BCAS3: variants seen among roughly 807,000 people sequenced by gnomAD.
The protein encoded by BCAS3 is BCAS3 microtubule associated cell migration factor.
BCAS3 carries 53 observed loss-of-function variants against 116.1 expected under a neutral mutation model. The ratio of observed to expected loss-of-function variants is 0.46; its 90% CI spans 0.37 to 0.57. The LOEUF (loss-of-function observed/expected upper bound fraction) is 0.57. BCAS3 is among the 20% of genes least tolerant of loss of function. The pLI is 0.00. For synonymous variants in BCAS3, 391 were observed against 408.2 expected (o/e 0.96, Z 0.51); for missense variants, 917 against 1,165.4 (o/e 0.79, Z 3.10).
At chr17:60,684,130 C>A in intron 3 of BCAS3, 94 bp downstream of exon 3, 1 of 1,201,796 alleles carries the variant, frequency 8.3e-7, no homozygotes, top group Middle Eastern at 1.9e-4. Flanking sequence ...CAGCAACTTC[C>A]AAAAGGTTTT....
rs1437526414 is a variant in BCAS3, at chr17:61,023,268, T to G, written c.1637+7367T>G. Among the ~76,000 whole-genome samples the G allele has an allele frequency of 6.6e-6, 1 of 152,228 alleles. No homozygotes were observed. The highest frequency in any genetic ancestry group is 1.5e-5 in the Non-Finnish European group (1 of 68,032). On this transcript the variant is annotated intron_variant, in intron 16 of 23. Coordinates refer to ENST00000407086, the MANE Select transcript of BCAS3 (RefSeq NM_017679.5). This position sits in a 1 kb window ranked among gnomAD's most constrained non-coding sequence, Gnocchi z 4.8. The stretch of plus-strand genomic sequence containing the variant: ...AGAAATATGGCTCTGCTTCAATATT[T>G]GACACATAATGTTGTATAGCTTTTT...
intron 22 of BCAS3, among the ~76,000 whole-genome samples, chr17:61,271,083 G>GT (rs1338530374): frequency 2.9e-5 from 4 of 137,212 alleles, no homozygotes; most frequent in African/African-American, 1.1e-4. Context: ...CACATTTTCA[G>GT]TTTTTTGTAC....
intron 7 of BCAS3, among the ~76,000 whole-genome samples, chr17:60,867,266 C>T (rs545467664): frequency 1.3e-5 from 2 of 151,854 alleles, no homozygotes; most frequent in Middle Eastern, 3.4e-3. Flanking sequence ...ACACCATGCC[C>T]GGATAATTTT....
chr17:60,847,250 G>A (rs1204296755), intron 7 of BCAS3, among the ~76,000 whole-genome samples: 1 of 152,110 alleles, frequency 6.6e-6, no homozygotes, highest in Non-Finnish European at 1.5e-5. Flanking sequence ...AGACATATGG[G>A]TGTTTCTACT....
intron 22 of BCAS3, among the ~76,000 whole-genome samples, chr17:61,284,245 C>A (rs186071561): frequency 2.0e-5 from 3 of 152,120 alleles, no homozygotes; most frequent in Admixed American, 6.5e-5. Context: ...CACCAGCAGT[C>A]GCAAACCTGC....
chr17:60,989,133 T>A lies in BCAS3; in HGVS notation c.1222-838T>A, dbSNP rs1210733909. ...TGCTTTTTCTCTTGTCTGGATTTTTTAAAACACTATTTGACAATTGTTTTA... is the reference window on the plus strand; with the variant it reads ...TGCTTTTTCTCTTGTCTGGATTTTTAAAAACACTATTTGACAATTGTTTTA... On this transcript the variant is annotated intron_variant, in intron 14 of 23. Coordinates refer to ENST00000407086, the MANE Select transcript of BCAS3 (RefSeq NM_017679.5). Among the ~76,000 whole-genome samples, 4 of 152,192 alleles carry A rather than the reference T, an allele frequency of 2.6e-5. No homozygotes were observed. In the East Asian group the frequency reaches 7.7e-4, roughly 29 times the overall value.
intron 14 of BCAS3, among the ~76,000 whole-genome samples, chr17:60,958,156 T>C (rs146647248): frequency 3.5e-3 from 536 of 152,150 alleles, no homozygotes; most frequent in African/African-American, 0.012. Flanking sequence ...TTGCTAAGAG[T>C]CCTGGGAGGC....
rs181772918 is a variant in BCAS3, at chr17:60,985,201, A to G, written c.1222-4770A>G. 2.2e-3 allele frequency among the ~76,000 whole-genome samples: 303 copies of G among 138,010 alleles called. 2 individuals are homozygous for G. Among genetic ancestry groups the G allele is most frequent in the Middle Eastern group, 0.013 (3 of 236 alleles). The allele number at this position is 138,010 out of a possible 152,430, so 90.5% of individuals were successfully genotyped here. On this transcript the variant is annotated intron_variant, in intron 14 of 23. Coordinates refer to ENST00000407086, the MANE Select transcript of BCAS3 (RefSeq NM_017679.5). The stretch of plus-strand genomic sequence containing the variant: ...ACTCTTGCTGCCCAGGTGGGAGTGC[A>G]GTGGCATGATCTCAGTTCACTGCAA...
rs1260511524 is a variant in BCAS3 at position 61,363,270 on chromosome 17, A to G, written c.2426-5057A>G. Among the ~76,000 whole-genome samples, 1 of 152,230 alleles carries G rather than the reference A, an allele frequency of 6.6e-6. No homozygotes were observed. Among genetic ancestry groups the G allele is most frequent in the Non-Finnish European group, 1.5e-5 (1 of 68,034 alleles). Reference sequence around the variant, plus strand: ...TTGAGTAAGTGCTTAGCTTTCATCAACTTCACCTGGAAAGATAGAGCACCT... The same window carrying G: ...TTGAGTAAGTGCTTAGCTTTCATCAGCTTCACCTGGAAAGATAGAGCACCT... On this transcript the variant is annotated intron_variant, in intron 22 of 23. Transcript: ENST00000407086. This position sits in a 1 kb window ranked among gnomAD's most constrained non-coding sequence, Gnocchi z 4.9.
intron 5 of BCAS3, among the ~76,000 whole-genome samples, chr17:60,734,082 G>A (rs556871042): frequency 2.6e-5 from 4 of 152,100 alleles, no homozygotes; most frequent in African/African-American, 9.7e-5. Flanking sequence ...ACTATACCCA[G>A]TATCATCTAG....
chr17:61,142,527 T>G (rs1042022497), intron 22 of BCAS3, among the ~76,000 whole-genome samples: 1 of 152,026 alleles, frequency 6.6e-6, no homozygotes, highest in African/African-American at 2.4e-5. Context: ...GCCCTGGGAG[T>G]ACTAGTTAGC....
intron 15 of BCAS3, among the ~76,000 whole-genome samples, chr17:61,006,963 C>A (rs2064763461): frequency 6.6e-6 from 1 of 152,026 alleles, no homozygotes; most frequent in African/African-American, 2.4e-5. Flanking sequence ...GCTAAACCTT[C>A]TTAAATTTTA....
At chr17:60,766,997 C>T (rs368414294) in intron 6 of BCAS3, among the ~76,000 whole-genome samples, 11 of 152,186 alleles carry the variant, frequency 7.2e-5, no homozygotes, top group African/African-American at 2.4e-4. Flanking sequence ...GCATTGGACC[C>T]GCAGAGCCAG....
intron 4 of BCAS3, among the ~76,000 whole-genome samples, chr17:60,698,183 CAA>C (rs759028839): frequency 1.3e-4 from 7 of 55,296 alleles, no homozygotes; most frequent in African/African-American, 2.0e-4. Flanking sequence ...CTCCGTCTCA[CAA>C]AAAAAAAAAA....
At chr17:60,887,070 C>T (rs989319859) in intron 9 of BCAS3, 1 of 155,176 alleles carries the variant, frequency 6.4e-6, no homozygotes, top group African/African-American at 2.4e-5. Flanking sequence ...AGTTTGATCT[C>T]AGACTGCTGT....
rs188608404 is a variant in BCAS3 at position 60,710,652 on chromosome 17, T to C, written c.321+1327T>C. On this transcript the variant is annotated intron_variant, in intron 5 of 23. Transcript: ENST00000407086. ...TTCACCACGTTAGCCAGGATGATCT[T>C]GATCTGCTGACCTCGTGATCCGCCC... Among the ~76,000 whole-genome samples, 515 of 151,898 alleles carry C rather than the reference T, an allele frequency of 3.4e-3. 2 individuals are homozygous for C. Among genetic ancestry groups the C allele is most frequent in the South Asian group, 0.021 (99 of 4,804 alleles).
rs73991577 is a variant in BCAS3 at position 61,245,711 on chromosome 17, A to G, written c.2426-122616A>G. On this transcript the variant is annotated intron_variant, in intron 22 of 23. Coordinates refer to ENST00000407086, the MANE Select transcript of BCAS3 (RefSeq NM_017679.5). Reference sequence around the variant, plus strand: ...GTTTCAGATGGTAGGCTTTAACATAACAAGATGAGCTATTGGGCTCTCAGA... The same window carrying G: ...GTTTCAGATGGTAGGCTTTAACATAGCAAGATGAGCTATTGGGCTCTCAGA... 4.1e-3 allele frequency among the ~76,000 whole-genome samples: 626 copies of G among 152,268 alleles called. 5 individuals carry two copies. Among genetic ancestry groups the G allele is most frequent in the African/African-American group, 0.015 (610 of 41,552 alleles).
rs2075615608 is a variant in BCAS3, at chr17:61,118,608, G to A, written c.2425+34044G>A. Among the ~76,000 whole-genome samples, 1 of 152,144 alleles carries A rather than the reference G, an allele frequency of 6.6e-6. No homozygotes were observed. Among genetic ancestry groups the A allele is most frequent in the South Asian group, 2.1e-4 (1 of 4,826 alleles). On this transcript the variant is annotated intron_variant, in intron 22 of 23. Coordinates refer to ENST00000407086, the MANE Select transcript of BCAS3 (RefSeq NM_017679.5). The surrounding 1 kb of genome is among the most constrained non-coding windows in gnomAD (Gnocchi z 5.0). Reference sequence around the variant, plus strand: ...GGGTGGAGTCTGGGCTCCCTACTTGGCCTTTCCCACTGTGGGTGGTGGGGG... The same window carrying A: ...GGGTGGAGTCTGGGCTCCCTACTTGACCTTTCCCACTGTGGGTGGTGGGGG...
At chr17:60,904,064 G>C (rs2058062173) in intron 11 of BCAS3, among the ~76,000 whole-genome samples, 2 of 152,242 alleles carry the variant, frequency 1.3e-5, no homozygotes, top group African/African-American at 4.8e-5. Flanking sequence ...TTCATTCCAT[G>C]TTTTGCTGTG....
Sources: gnomAD v4.1 joint callset for allele counts (sites outside exome capture counted in the v4.1 genomes callset) on GRCh38, gnomAD v4.1.1 for gene constraint, Gnocchi (gnomAD v3.1) non-coding constraint, MANE v1.5 for transcripts, NCBI Gene and HGNC (gene_info 2026-07-23, HGNC 2026-07-21) for gene names.